TTC21B: variants seen among roughly 807,000 people sequenced by gnomAD.
The protein encoded by TTC21B is tetratricopeptide repeat protein 21B.
A neutral mutation model predicts 175.1 loss-of-function variants in TTC21B; 127 were observed. The ratio of observed to expected loss-of-function variants is 0.73; its 90% CI spans 0.63 to 0.84. The LOEUF (loss-of-function observed/expected upper bound fraction) is 0.84. TTC21B is among the 40% of genes least tolerant of loss of function. The pLI is 0.00. For missense variants in TTC21B, 1,561 were observed against 1,558.3 expected (o/e 1.00, Z -0.03); for synonymous variants, 524 against 524.5 (o/e 1.00, Z 0.01).
intron 16 of TTC21B, among the ~76,000 whole-genome samples, chr2:165,912,960 G>T (rs1048004518): frequency 2.0e-5 from 3 of 152,070 alleles, no homozygotes; most frequent in Admixed American, 6.5e-5. Context: ...TCCCTTTGAA[G>T]AAAACACCAC....
chr2:165,942,348 G>C (rs1312565248), intron 5 of TTC21B, among the ~76,000 whole-genome samples: 1 of 152,148 alleles, frequency 6.6e-6, no homozygotes, highest in African/African-American at 2.4e-5. Context: ...AATGGGGATT[G>C]AAGAAAGGGT....
intron 6 of TTC21B, among the ~76,000 whole-genome samples, chr2:165,939,314 C>A (rs1687281664): frequency 6.6e-6 from 1 of 152,120 alleles, no homozygotes; most frequent in Admixed American, 6.6e-5. Context: ...GCTTGCAAGT[C>A]ACTTATTCTC....
At chr2:165,946,169 CAAAAAAAAAA>C (rs3032577) in intron 3 of TTC21B, among the ~76,000 whole-genome samples, 2 of 116,568 alleles carry the variant, frequency 1.7e-5, no homozygotes, top group African/African-American at 7.1e-5. Flanking sequence ...ACTAAAGATA[CAAAAAAAAAA>C]AAAAAAAAAA....
In TTC21B at chr2:165,924,405, T is replaced by C. The variant is rs939602355; in HGVS notation, c.1516+144A>G. The C allele has an allele frequency of 7.0e-6, 5 of 710,566 alleles. No homozygotes were observed. The African/African-American group carries it at 7.2e-5, about 10-fold the overall frequency. 44.0% of individuals were successfully genotyped at this position (710,566 alleles called of 1,614,324 possible). On this transcript the variant is annotated intron_variant, in intron 12 of 28. Transcript: ENST00000243344. Reference sequence around the variant, plus strand: ...AAGAGTAAGTTATGCAATTCTATTTTGGATTAAAATTACTTATCTATGCAT... The same window carrying C: ...AAGAGTAAGTTATGCAATTCTATTTCGGATTAAAATTACTTATCTATGCAT...
At chr2:165,887,060 A>T (rs7568846) in intron 25 of TTC21B, among the ~76,000 whole-genome samples, 6,561 of 152,204 alleles carry the variant, frequency 0.043, 460 homozygotes, top group African/African-American at 0.15. Flanking sequence ...GCCATCTAGG[A>T]TACTTGTACC....
chr2:165,876,045 G>A (rs1005474670), intron 28 of TTC21B, 120 bp downstream of exon 28: 25 of 690,360 alleles, frequency 3.6e-5, no homozygotes, highest in Non-Finnish European at 5.7e-5. Context: ...TAAACATACT[G>A]ATAAATCATT....
At chr2:165,885,052 A>G (rs562189733) in intron 25 of TTC21B, among the ~76,000 whole-genome samples, 3 of 152,290 alleles carry the variant, frequency 2.0e-5, no homozygotes, top group South Asian at 4.1e-4. Flanking sequence ...CAGGAGGCTG[A>G]AGTGGGAGGA....
chr2:165,884,508 C>G (rs907542027), intron 25 of TTC21B, among the ~76,000 whole-genome samples: 1 of 152,078 alleles, frequency 6.6e-6, no homozygotes, highest in Non-Finnish European at 1.5e-5. Context: ...TTTTCCCCCT[C>G]CCTTCTCCTT....
Position 165,932,101 on chromosome 2 carries a change from T to C in TTC21B, c.796-245A>G, listed in dbSNP as rs75769101. Among the ~76,000 whole-genome samples the C allele has an allele frequency of 0.018, 2,798 of 152,264 alleles. 125 individuals are homozygous for C. Among genetic ancestry groups the C allele is most frequent in the Admixed American group, 0.1 (1,561 of 15,278 alleles). On this transcript the variant is annotated intron_variant, in intron 7 of 28. Coordinates refer to ENST00000243344, the MANE Select transcript of TTC21B (RefSeq NM_024753.5). ...ATACTTGTTATTGAATGGAAACCTT[T>C]GGATAGGCGAAGACACCCATAATAT...
intron 4 of TTC21B, among the ~76,000 whole-genome samples, chr2:165,945,300 G>A (rs1202604384): frequency 6.6e-6 from 1 of 152,074 alleles, no homozygotes; most frequent in African/African-American, 2.4e-5. Flanking sequence ...ACCAGGCAGG[G>A]ATCTTTGAAG....
At chr2:165,918,898 AACAG>A (rs1377351363) in intron 13 of TTC21B, among the ~76,000 whole-genome samples, 2 of 152,232 alleles carry the variant, frequency 1.3e-5, no homozygotes, top group Non-Finnish European at 2.9e-5. Context: ...CCAAGAAATA[AACAG>A]ACAATTATTA....
At chr2:165,884,303 T>G (rs756495380) in intron 25 of TTC21B, among the ~76,000 whole-genome samples, 15 of 152,234 alleles carry the variant, frequency 9.9e-5, no homozygotes, top group Non-Finnish European at 2.2e-4. Context: ...TTATCTTTAA[T>G]GGGATTCAAA....
At chr2:165,938,532 A>G (rs1687248267) in intron 6 of TTC21B, among the ~76,000 whole-genome samples, 1 of 152,150 alleles carries the variant, frequency 6.6e-6, no homozygotes, top group South Asian at 2.1e-4. Flanking sequence ...AATTTAACCA[A>G]ACCTCTAGAT....
intron 26 of TTC21B, among the ~76,000 whole-genome samples, chr2:165,881,395 T>C (rs1030004590): frequency 6.6e-6 from 1 of 152,186 alleles, no homozygotes; most frequent in East Asian, 1.9e-4. Context: ...TTTTGTTAGA[T>C]TGAGGACTGA....
chr2:165,933,193 C>T, intron 6 of TTC21B, 136 bp from the exon 7 acceptor site: 3 of 653,256 alleles, frequency 4.6e-6, no homozygotes, highest in Non-Finnish European at 7.8e-6. Flanking sequence ...ATGTCATCTG[C>T]TTTGTGAAAA....
Position 165,924,654 on chromosome 2 carries a change from A to G in TTC21B, c.1411T>C (p.Cys471Arg). The change falls in exon 12 of 29, where the codon TGT (cysteine) becomes CGT (arginine). Residue 471 changes from cysteine (C) to arginine (R), a missense_variant. By Grantham distance (180) the Cys-to-Arg change is radical (BLOSUM62 -3). Coordinates refer to ENST00000243344, the MANE Select transcript of TTC21B (RefSeq NM_024753.5). ...GAGATGCAACGCCTGAGAAGTGGAC[A>G]AAGAGGTTGCCCAGGACTTGCAGGC... ...MQPASPGQPL[C>R]PLLRRCISVL... 6.2e-7 allele frequency: 1 copy of G among 1,613,702 alleles called. No individual in the cohort carries two copies. The highest frequency in any genetic ancestry group is 8.5e-7 in the Non-Finnish European group (1 of 1,179,756).
At chr2:165,877,948 ATACT>A (rs1684721964) in intron 27 of TTC21B, among the ~76,000 whole-genome samples, 1 of 152,220 alleles carries the variant, frequency 6.6e-6, no homozygotes, top group African/African-American at 2.4e-5. Flanking sequence ...CATGCCAAAC[ATACT>A]TACATGGGAA....
intron 20 of TTC21B, among the ~76,000 whole-genome samples, chr2:165,900,654 A>C (rs1685528190): frequency 6.6e-6 from 1 of 152,116 alleles, no homozygotes; most frequent in African/African-American, 2.4e-5. Context: ...ACACCAATTG[A>C]AATACAGAGT....
intron 26 of TTC21B, among the ~76,000 whole-genome samples, chr2:165,881,764 T>C (rs970813503): frequency 6.6e-6 from 1 of 152,106 alleles, no homozygotes; most frequent in Non-Finnish European, 1.5e-5. Context: ...TATTTCTTAA[T>C]TGTAATTTTT....
Sources: allele counts gnomAD v4.1 joint callset (sites outside exome capture counted in the v4.1 genomes callset), GRCh38; gene constraint gnomAD v4.1.1; transcripts MANE v1.5; gene names NCBI Gene and HGNC (gene_info 2026-07-23, HGNC 2026-07-21).